TKTL1: variants seen among roughly 807,000 people sequenced by gnomAD.
The protein encoded by TKTL1 is transketolase like 1.
Under a neutral mutation model 39.3 loss-of-function variants are expected in TKTL1, and 1 was observed. The ratio of observed to expected loss-of-function variants is 0.03; its 90% CI spans 0.01 to 0.12. TKTL1 has a LOEUF of 0.12. TKTL1 is among the 10% of genes least tolerant of loss of function. The pLI, the probability that TKTL1 is intolerant of heterozygous loss-of-function variation, is 1.00. For synonymous variants in TKTL1, 262 were observed against 193.8 expected (o/e 1.35, Z -2.92); for missense variants, 575 against 509.6 (o/e 1.13, Z -1.24).
chrX:154,295,952 G>T lies in TKTL1; in HGVS notation c.93G>T (p.Leu31Phe), dbSNP rs2067222957. The T allele has an allele frequency of 2.5e-6, 3 of 1,210,432 alleles. No homozygotes were observed. Among genetic ancestry groups the T allele is most frequent in the African/African-American group, 3.5e-5 (2 of 57,330 alleles). The change falls in exon 1 of 13, where the codon TTG becomes TTT. Residue 31 changes from leucine (L) to phenylalanine (F), a missense_variant. Physicochemically the swap from Leu to Phe is conservative, Grantham distance 22 (BLOSUM62 0). Coordinates refer to ENST00000369915, the MANE Select transcript of TKTL1 (RefSeq NM_012253.4). ...LQVLQDMASR[L>F]RIHSIRATCS... ...TGTTGCAAGATATGGCCAGCCGCTTGCGAATCCATTCCATCAGGGCCACAT... is the reference window on the plus strand; with the variant it reads ...TGTTGCAAGATATGGCCAGCCGCTTTCGAATCCATTCCATCAGGGCCACAT...
rs983531246 is a variant in TKTL1, at chrX:154,295,801, C to G, written c.-59C>G. The G allele has an allele frequency of 1.1e-5, 13 of 1,178,459 alleles. No individual in the cohort carries two copies. In the East Asian group the frequency reaches 1.8e-4, roughly 16 times the overall value. ...CACTGGGCAGCTCGCAGGCGCCATT[C>G]GCTCTTCAGACGCCGGAGACGTAGG... On this transcript the variant is annotated 5_prime_UTR_variant, in exon 1 of 13. Coordinates refer to ENST00000369915, the MANE Select transcript of TKTL1 (RefSeq NM_012253.4).
chrX:154,303,993 A>G (rs782091987), intron 1 of TKTL1, among the ~76,000 whole-genome samples: 10 of 110,774 alleles, frequency 9.0e-5, no homozygotes, highest in African/African-American at 2.6e-4. Flanking sequence ...AAAGGTGCAG[A>G]CACTGATGCG....
At chrX:154,309,008 G>A (rs149591864) in intron 2 of TKTL1, among the ~76,000 whole-genome samples, 11 of 110,878 alleles carry the variant, frequency 9.9e-5, no homozygotes, top group Non-Finnish European at 1.3e-4. Flanking sequence ...TGGGCTCCCC[G>A]TCTCTATTCC....
At chrX:154,322,785 A>G (rs2067461978) in intron 8 of TKTL1, among the ~76,000 whole-genome samples, 1 of 111,908 alleles carries the variant, frequency 8.9e-6, no homozygotes, top group Non-Finnish European at 1.9e-5. Context: ...GAGAAATGAA[A>G]AAGACCACTT....
chrX:154,328,849 G>C (rs986093542), intron 12 of TKTL1, among the ~76,000 whole-genome samples: 3 of 109,510 alleles, frequency 2.7e-5, no homozygotes, highest in Non-Finnish European at 5.7e-5. Context: ...AAGGGTGCAG[G>C]GGGGGATCCA....
chrX:154,322,473 G>A (rs782392338), intron 8 of TKTL1, among the ~76,000 whole-genome samples: 14 of 110,700 alleles, frequency 1.3e-4, no homozygotes, highest in South Asian at 7.7e-4. Flanking sequence ...TAGAGGCTGC[G>A]GTGAGCCAAG....
At chrX:154,327,079 A>G (rs1309735327) in intron 10 of TKTL1, 1 of 208,535 alleles carries the variant, frequency 4.8e-6, no homozygotes, top group Non-Finnish European at 9.0e-6. Flanking sequence ...TTGCTTGCAG[A>G]ATAGTACGTT....
intron 5 of TKTL1, 110 bp from the exon 6 acceptor site, chrX:154,312,470 C>A: frequency 1.3e-6 from 1 of 782,441 alleles, no homozygotes; most frequent in Non-Finnish European, 1.8e-6. Context: ...GGTGTTCCTC[C>A]TGTGAGTCCT....
intron 3 of TKTL1, among the ~76,000 whole-genome samples, chrX:154,310,442 C>CA (rs1398702505): frequency 1.8e-5 from 2 of 112,086 alleles, no homozygotes; most frequent in African/African-American, 3.2e-5. Context: ...AACAAACAAA[C>CA]AAAAAAATTA....
At chrX:154,302,522 C>T (rs2067281914) in intron 1 of TKTL1, among the ~76,000 whole-genome samples, 1 of 111,010 alleles carries the variant, frequency 9.0e-6, no homozygotes, top group Admixed American at 9.6e-5. Flanking sequence ...CCAGCCTCTT[C>T]TCATAAAGGC....
Position 154,309,385 on chromosome X carries a change from A to G in TKTL1, c.293A>G (p.Gln98Arg), listed in dbSNP as rs1250150739. The G allele has an allele frequency of 8.3e-7, 1 of 1,211,610 alleles. No homozygotes were observed. The highest frequency in any genetic ancestry group is 2.2e-5 in the Admixed American group (1 of 46,021). ...GATGTGGCAACAGGATGGCTCGGAC[A>G]AGGACTGGGAGTTGCATGTGGAATG... is the stretch of plus-strand genomic sequence containing the variant. ...FVDVATGWLG[Q>R]GLGVACGMAY... Residue 98 changes from glutamine to arginine, a missense_variant, in exon 3 of 13, where the codon CAA becomes CGA. Coordinates refer to ENST00000369915, the MANE Select transcript of TKTL1 (RefSeq NM_012253.4).
intron 1 of TKTL1, among the ~76,000 whole-genome samples, chrX:154,298,698 A>G (rs781953996): frequency 1.3e-5 from 1 of 76,787 alleles, no homozygotes; most frequent in Admixed American, 1.2e-4. Flanking sequence ...TGTCTCAAAA[A>G]GAAAAAAAAA....
chrX:154,320,920 G>T lies in TKTL1; in HGVS notation c.1186+7G>T. ...CACTGTGGGGTATCTGTTGGTAAGGGTTCTAAATGCCATCATCTTGGTAGC... is the reference window on the plus strand; with the variant it reads ...CACTGTGGGGTATCTGTTGGTAAGGTTTCTAAATGCCATCATCTTGGTAGC... On this transcript the variant is annotated splice_region_variant and intron_variant, in intron 8 of 12. Transcript: ENST00000369915. 8.3e-7 allele frequency: 1 copy of T among 1,208,409 alleles called. No individual in the cohort carries two copies. The highest frequency in any genetic ancestry group is 1.1e-6 in the Non-Finnish European group (1 of 892,495).
chrX:154,311,200 C>T lies in TKTL1; in HGVS notation c.632C>T (p.Ala211Val). The change falls in exon 5 of 13, where the codon GCT (alanine) becomes GTT (valine). Residue 211 changes from alanine (A) to valine (V), a missense_variant. By Grantham distance (64) the Ala-to-Val change is moderately conservative. Coordinates refer to ENST00000369915, the MANE Select transcript of TKTL1 (RefSeq NM_012253.4). ...QASQVKHKPTAVVAKTFKGRG... is the reference protein window; with the variant it reads ...QASQVKHKPTVVVAKTFKGRG... ...TCTCAGGTGAAGCACAAGCCCACTG[C>T]TGTGGTGGCCAAGACCTTCAAGGGC... 1.7e-6 allele frequency: 2 copies of T among 1,212,068 alleles called. No individual in the cohort carries two copies. Among genetic ancestry groups the T allele is most frequent in the Non-Finnish European group, 2.2e-6 (2 of 895,551 alleles).
chrX:154,322,637 A>G (rs1250260755), intron 8 of TKTL1, among the ~76,000 whole-genome samples: 1 of 111,820 alleles, frequency 8.9e-6, no homozygotes, highest in Non-Finnish European at 1.9e-5. Context: ...CCTAGCTGAG[A>G]AAAGCTAAGC....
chrX:154,323,449 A>C, intron 9 of TKTL1, 112 bp downstream of exon 9: 5 of 895,365 alleles, frequency 5.6e-6, no homozygotes, highest in Non-Finnish European at 7.7e-6. Flanking sequence ...TCATTATAGA[A>C]AATTTGGTGA....
intron 2 of TKTL1, among the ~76,000 whole-genome samples, chrX:154,308,066 C>T (rs2067329084): frequency 8.9e-6 from 1 of 111,909 alleles, no homozygotes; most frequent in South Asian, 3.7e-4. Flanking sequence ...GCTCGAATGG[C>T]GCTGACGTTT....
chrX:154,311,494 A>T (rs1329207506), intron 5 of TKTL1, among the ~76,000 whole-genome samples: 1 of 111,981 alleles, frequency 8.9e-6, no homozygotes, highest in Non-Finnish European at 1.9e-5. Flanking sequence ...AGTACAGCCC[A>T]TCGGAGGACT....
Position 154,296,366 on chromosome X carries a change from A to G in TKTL1, c.134+373A>G, listed in dbSNP as rs895444670. On this transcript the variant is annotated intron_variant, in intron 1 of 12. Transcript: ENST00000369915. ...TTGGGCTAGCTGTGGTTTTCATTTT[A>G]GCGGGGAGCAGGGCTTCCCTGGTAA... Among the ~76,000 whole-genome samples the G allele has an allele frequency of 2.7e-5, 3 of 111,080 alleles. No homozygotes were observed. The Admixed American group carries it at 2.9e-4, about 11-fold the overall frequency.
Sources: gnomAD v4.1 joint callset for allele counts (sites outside exome capture counted in the v4.1 genomes callset) on GRCh38, gnomAD v4.1.1 for gene constraint, MANE v1.5 for transcripts, NCBI Gene and HGNC (gene_info 2026-07-23, HGNC 2026-07-21) for gene names.